The following FDFT1 variants were observed in gnomAD, a reference collection of about 807,000 sequenced individuals.
FDFT1 encodes farnesyl-diphosphate farnesyltransferase 1, also known as squalene synthase.
In FDFT1, 68 loss-of-function variants were observed where a neutral mutation model predicts 46.8. The ratio of observed to expected loss-of-function variants is 1.45; its 90% CI spans 1.19 to 1.78. The LOEUF is 1.78. FDFT1 is among the 40% of genes most tolerant of loss of function. The pLI is 0.00. For missense variants in FDFT1, 928 were observed against 524.4 expected (o/e 1.77, Z -7.52); for synonymous variants, 351 against 185.1 (o/e 1.90, Z -7.28).
At chr8:11,801,178 G>T (rs1022487264), upstream of FDFT1, among the ~76,000 whole-genome samples, 3 of 152,162 alleles carry the variant, frequency 2.0e-5, no homozygotes, top group African/African-American at 4.8e-5. Flanking sequence ...AAGTCCTAGG[G>T]CCAGAGAAAG....
intron 3 of FDFT1, among the ~76,000 whole-genome samples, chr8:11,816,226 C>T (rs552358556): frequency 6.6e-6 from 1 of 152,186 alleles, no homozygotes; most frequent in Admixed American, 6.5e-5. Flanking sequence ...CATTGGTGTA[C>T]ATATCTGTTT....
chr8:11,803,164 T>G lies in FDFT1; in HGVS notation c.99+233T>G. On this transcript the variant is annotated intron_variant, in intron 1 of 7. Coordinates refer to ENST00000220584, the MANE Select transcript of FDFT1 (RefSeq NM_004462.5). ...AGCCGCCCTGGGCATGAGCGACTTT[T>G]GCGTGGTTCCCGGTGGTTGCGCTCC... is the stretch of plus-strand genomic sequence containing the variant. The G allele has an allele frequency of 1.4e-6, 2 of 1,421,362 alleles. 1 individual carries two copies. The allele number at this position is 1,421,362 out of a possible 1,614,324, so 88.0% of individuals were successfully genotyped here.
chr8:11,832,193 C>T (rs926496975), intron 7 of FDFT1, among the ~76,000 whole-genome samples: 1 of 151,970 alleles, frequency 6.6e-6, no homozygotes, highest in Non-Finnish European at 1.5e-5. Context: ...TTTCAAATAC[C>T]AAAACCATCC....
chr8:11,806,279 C>T (rs1013552328), intron 1 of FDFT1, among the ~76,000 whole-genome samples: 2 of 152,174 alleles, frequency 1.3e-5, no homozygotes, highest in African/African-American at 4.8e-5. Flanking sequence ...CCAAGAGGGA[C>T]AGGCACCAGT....
chr8:11,823,055 G>A (rs1178212558), intron 4 of FDFT1, among the ~76,000 whole-genome samples: 2 of 152,064 alleles, frequency 1.3e-5, no homozygotes, highest in East Asian at 1.9e-4. Flanking sequence ...CCTGGGCTCA[G>A]GTGATCCTCC....
chr8:11,838,534 GGCT>G lies in FDFT1; in HGVS notation c.1182_1184del (p.Ala395del). 4 of 1,610,714 alleles carry G rather than the reference GGCT, an allele frequency of 2.5e-6. No individual in the cohort carries two copies. Among genetic ancestry groups the G allele is most frequent in the Non-Finnish European group, 3.4e-6 (4 of 1,178,414 alleles). ...TCTACCTGTCGTTTGTCATGCTTTTGGCTGCCCTGAGCTGGCAGTACCTGACCA... is the reference window on the plus strand; with the variant it reads ...TCTACCTGTCGTTTGTCATGCTTTTGGCCCTGAGCTGGCAGTACCTGACCA... On this transcript the variant is annotated inframe_deletion, in exon 8 of 8. Transcript: ENST00000220584.
intron 7 of FDFT1, 110 bp from the exon 8 acceptor site, chr8:11,838,278 C>G (rs373559985): frequency 2.2e-5 from 18 of 812,442 alleles, no homozygotes; most frequent in African/African-American, 3.4e-5. Flanking sequence ...GCCTCCCTTT[C>G]CTCATTGGTA....
chr8:11,808,758 A>G (rs1807273428), intron 1 of FDFT1, 36 bp from the exon 2 acceptor site: 1 of 1,582,796 alleles, frequency 6.3e-7, no homozygotes, highest in African/African-American at 1.3e-5. Context: ...CTGCTCCTCG[A>G]CGTCTCCCAC....
At chr8:11,808,515 C>G (rs1012858536) in intron 1 of FDFT1, 1 of 1,333,250 alleles carries the variant, frequency 7.5e-7, no homozygotes, top group Non-Finnish European at 9.5e-7. Flanking sequence ...GTCCGCGATT[C>G]CCATGGCCGC....
intron 3 of FDFT1, among the ~76,000 whole-genome samples, chr8:11,819,636 C>T (rs546741619): frequency 1.3e-5 from 2 of 151,868 alleles, no homozygotes. Context: ...TTGATCGAAT[C>T]GGCTATTGAA....
intron 3 of FDFT1, among the ~76,000 whole-genome samples, chr8:11,814,300 G>GT (rs368859890): frequency 0.14 from 19,910 of 137,926 alleles, 2,277 homozygotes; most frequent in African/African-American, 0.32. Flanking sequence ...GATTTTATAG[G>GT]TTTTTTTTTT....
intron 1 of FDFT1, among the ~76,000 whole-genome samples, chr8:11,805,474 G>A (rs576663592): frequency 6.6e-6 from 1 of 152,190 alleles, no homozygotes; most frequent in Non-Finnish European, 1.5e-5. Flanking sequence ...TCTAAATCCT[G>A]TTATTTAGAC....
At chr8:11,828,799 A>T (rs960113210) in intron 5 of FDFT1, among the ~76,000 whole-genome samples, 1 of 152,160 alleles carries the variant, frequency 6.6e-6, no homozygotes, top group African/African-American at 2.4e-5. Context: ...TTTTGCTAGC[A>T]TGTTTTCAGG....
At chr8:11,831,851 C>T in intron 7 of FDFT1, 181 bp downstream of exon 7, 1 of 598,062 alleles carries the variant, frequency 1.7e-6, no homozygotes, top group Non-Finnish European at 3.0e-6. Context: ...GAGCAGATTG[C>T]TCACTGCTGT....
chr8:11,828,566 G>T (rs1386600380), intron 5 of FDFT1, among the ~76,000 whole-genome samples: 2 of 152,204 alleles, frequency 1.3e-5, no homozygotes, highest in Non-Finnish European at 2.9e-5. Context: ...CATCAGCCAC[G>T]GGCATGTGAT....
At chr8:11,827,864 A>C (rs1427411805) in intron 5 of FDFT1, among the ~76,000 whole-genome samples, 1 of 151,586 alleles carries the variant, frequency 6.6e-6, no homozygotes, top group African/African-American at 2.4e-5. Context: ...ACGTAGTGAG[A>C]CCTTATCTCT....
chr8:11,823,764 G>A (rs1809580522), intron 4 of FDFT1, among the ~76,000 whole-genome samples: 1 of 152,034 alleles, frequency 6.6e-6, no homozygotes, highest in African/African-American at 2.4e-5. Flanking sequence ...TTATTTTTGA[G>A]ACAGGGTATT....
chr8:11,809,904 G>C (rs1381221215), intron 3 of FDFT1, 54 bp downstream of exon 3: 27 of 1,388,734 alleles, frequency 1.9e-5, no homozygotes, highest in Non-Finnish European at 1.2e-5. Context: ...AATTGCTAAC[G>C]TGGTTGTCCG....
chr8:11,820,362 G>C (rs1025956493), intron 3 of FDFT1, among the ~76,000 whole-genome samples: 1 of 152,230 alleles, frequency 6.6e-6, no homozygotes, highest in Non-Finnish European at 1.5e-5. Flanking sequence ...CGAGCTGGGA[G>C]AACCACTGCT....
Sources: gnomAD v4.1 joint callset for allele counts (sites outside exome capture counted in the v4.1 genomes callset) on GRCh38, gnomAD v4.1.1 for gene constraint, MANE v1.5 for transcripts, NCBI Gene and HGNC (gene_info 2026-07-23, HGNC 2026-07-21) for gene names.